C9orf85: variants seen among roughly 807,000 people sequenced by gnomAD.
C9orf85 encodes chromosome 9 open reading frame 85, also known as uncharacterized protein C9orf85.
Under a neutral mutation model 14.9 loss-of-function variants are expected in C9orf85, and 16 were observed. That is an observed-to-expected ratio of 1.08 (90% CI 0.73 to 1.63). The LOEUF (loss-of-function observed/expected upper bound fraction) is 1.63, where lower values mean the gene tolerates loss of function less well. Ranked by LOEUF, C9orf85 falls within the 40% of genes most tolerant of loss-of-function variation. The pLI is 0.00. For missense variants in C9orf85, 172 were observed against 186.1 expected (o/e 0.92, Z 0.44); for synonymous variants, 45 against 56.8 (o/e 0.79, Z 0.93).
chr9:71,952,206 T>A (rs1783347048), intron 2 of C9orf85, among the ~76,000 whole-genome samples: 2 of 152,336 alleles, frequency 1.3e-5, no homozygotes, highest in South Asian at 4.1e-4. Context: ...CTCAGCATTG[T>A]ATTATTCAAT....
At chr9:71,963,395 C>G (rs1822580252) in intron 2 of C9orf85, among the ~76,000 whole-genome samples, 2 of 152,104 alleles carry the variant, frequency 1.3e-5, no homozygotes, top group African/African-American at 4.8e-5. Flanking sequence ...TCACAGCCCT[C>G]GCTCGCTCTC....
At chr9:71,935,742 A>T (rs909342633) in intron 1 of C9orf85, among the ~76,000 whole-genome samples, 1 of 152,172 alleles carries the variant, frequency 6.6e-6, no homozygotes, top group African/African-American at 2.4e-5. Flanking sequence ...GCTAGGAGGA[A>T]GGGACAATGA....
intron 3 of C9orf85, among the ~76,000 whole-genome samples, chr9:71,980,016 CTTTTTTTT>C (rs11311141): frequency 9.6e-6 from 1 of 104,496 alleles, no homozygotes; most frequent in Non-Finnish European, 2.0e-5. Flanking sequence ...TTTCTTTTTT[CTTTTTTTT>C]TTTTTTTGAG....
chr9:71,965,042 A>C (rs1289139994), intron 2 of C9orf85, among the ~76,000 whole-genome samples: 1 of 152,192 alleles, frequency 6.6e-6, no homozygotes, highest in Non-Finnish European at 1.5e-5. Flanking sequence ...CGACGGCAGC[A>C]AACAGCAGTG....
At chr9:71,946,378 C>A (rs922217469) in intron 1 of C9orf85, among the ~76,000 whole-genome samples, 8 of 152,260 alleles carry the variant, frequency 5.3e-5, no homozygotes, top group Middle Eastern at 6.8e-3. Context: ...GCAAGGTTTT[C>A]TTTTCTATTA....
intron 1 of C9orf85, among the ~76,000 whole-genome samples, chr9:71,928,677 A>T (rs1021622256): frequency 1.3e-5 from 2 of 152,214 alleles, no homozygotes; most frequent in Admixed American, 1.3e-4. Flanking sequence ...CCAACTCTTT[A>T]TAAGTTAGAA....
intron 2 of C9orf85, among the ~76,000 whole-genome samples, chr9:71,949,330 A>G (rs756850006): frequency 1.3e-5 from 2 of 152,228 alleles, no homozygotes; most frequent in African/African-American, 2.4e-5. Context: ...ATATGTGCTA[A>G]ATCCTATATG....
intron 1 of C9orf85, among the ~76,000 whole-genome samples, chr9:71,922,164 C>T (rs1191441828): frequency 2.0e-5 from 3 of 152,058 alleles, no homozygotes; most frequent in African/African-American, 7.2e-5. Context: ...TGGTCTCGAA[C>T]TTCTGACCTC....
At chr9:71,962,554 C>A (rs959034985) in intron 2 of C9orf85, among the ~76,000 whole-genome samples, 1 of 152,144 alleles carries the variant, frequency 6.6e-6, no homozygotes, top group African/African-American at 2.4e-5. Context: ...ACGACAGGAG[C>A]TAAATTATGT....
At chr9:71,944,205 G>T (rs1382054412) in intron 1 of C9orf85, among the ~76,000 whole-genome samples, 1 of 149,430 alleles carries the variant, frequency 6.7e-6, no homozygotes. Flanking sequence ...CTGCACACCA[G>T]TCTGGGCAAC....
At chr9:71,943,319 C>T (rs991107910) in intron 1 of C9orf85, among the ~76,000 whole-genome samples, 2 of 151,596 alleles carry the variant, frequency 1.3e-5, no homozygotes. Flanking sequence ...TTTGGCAATT[C>T]TGAAAGAATT....
At chr9:71,934,737 C>G (rs1828149073) in intron 1 of C9orf85, among the ~76,000 whole-genome samples, 1 of 151,902 alleles carries the variant, frequency 6.6e-6, no homozygotes, top group East Asian at 1.9e-4. Context: ...AGGTGTGGTG[C>G]CTTGTGCCTG....
chr9:71,962,219 G>A (rs1052133154), intron 2 of C9orf85, among the ~76,000 whole-genome samples: 2 of 152,170 alleles, frequency 1.3e-5, no homozygotes, highest in African/African-American at 4.8e-5. Flanking sequence ...ATTAAGACAA[G>A]GTAGTATATA....
At chr9:71,968,047 A>G (rs1031983476) in intron 2 of C9orf85, among the ~76,000 whole-genome samples, 3 of 151,930 alleles carry the variant, frequency 2.0e-5, no homozygotes, top group Non-Finnish European at 4.4e-5. Flanking sequence ...CTTTGAATAT[A>G]CTGAATTAGC....
At chr9:71,954,129 A>AG (rs1295153805) in intron 2 of C9orf85, among the ~76,000 whole-genome samples, 6 of 150,654 alleles carry the variant, frequency 4.0e-5, no homozygotes, top group Admixed American at 6.6e-5. Context: ...AAAAAAAAAA[A>AG]AGCGTATTTT....
chr9:71,931,032 A>G (rs1342363372), intron 1 of C9orf85, among the ~76,000 whole-genome samples: 1 of 152,160 alleles, frequency 6.6e-6, no homozygotes, highest in Non-Finnish European at 1.5e-5. Context: ...AGGAATAGGA[A>G]TAAAGGCCAG....
intron 2 of C9orf85, among the ~76,000 whole-genome samples, chr9:71,963,423 G>C (rs1033271218): frequency 1.3e-5 from 2 of 152,096 alleles, no homozygotes; most frequent in Admixed American, 6.5e-5. Context: ...CCTCTGCCTG[G>C]GCTCCCACTT....
In C9orf85 at chr9:71,957,557, T is replaced by C. The variant is rs112499490; in HGVS notation, c.209+10445T>C. Among the ~76,000 whole-genome samples, 631 of 152,320 alleles carry C rather than the reference T, an allele frequency of 4.1e-3. 5 individuals are homozygous for C. Among genetic ancestry groups the C allele is most frequent in the Middle Eastern group, 0.014 (4 of 294 alleles). ...ACTTCATTGTTAGCCTGTTCCTCTC[T>C]TTAGATGAGTGTGTACCTATGTGTA... is the stretch of plus-strand genomic sequence containing the variant. On this transcript the variant is annotated intron_variant, in intron 2 of 3. Transcript: ENST00000334731.
chr9:71,981,420 A>G (rs965211629), intron 3 of C9orf85, among the ~76,000 whole-genome samples: 3 of 151,854 alleles, frequency 2.0e-5, no homozygotes, highest in African/African-American at 7.3e-5. Context: ...ATGACTAAAA[A>G]CATCATGGAA....
Sources: allele counts gnomAD v4.1 joint callset (sites outside exome capture counted in the v4.1 genomes callset), GRCh38; gene constraint gnomAD v4.1.1; transcripts MANE v1.5; gene names NCBI Gene and HGNC (gene_info 2026-07-23, HGNC 2026-07-21).